CSNK1G2: variants seen among roughly 807,000 people sequenced by gnomAD.
CSNK1G2 encodes the protein casein kinase 1 gamma 2.
A neutral mutation model predicts 48.0 loss-of-function variants in CSNK1G2; 11 were observed. The ratio of observed to expected loss-of-function variants is 0.23; its 90% CI spans 0.14 to 0.38. CSNK1G2 has a LOEUF of 0.38. CSNK1G2 is among the 10% of genes least tolerant of loss of function. CSNK1G2 has a pLI of 1.00. For missense variants in CSNK1G2, 446 were observed against 595.5 expected (o/e 0.75, Z 2.61); for synonymous variants, 337 against 254.1 (o/e 1.33, Z -3.10).
chr19:1,957,762 C>A lies in CSNK1G2; in HGVS notation c.-265-11746C>A, dbSNP rs1302921585. Among the ~76,000 whole-genome samples, 1 of 151,766 alleles carries A rather than the reference C, an allele frequency of 6.6e-6. No homozygotes were observed. The highest frequency in any genetic ancestry group is 2.4e-5 in the African/African-American group (1 of 41,294). ...AGCTGCCAGATCTCCCCTGGAAACA[C>A]TGGGGTGTGTGCTCGGTGGGTGCCG... On this transcript the variant is annotated intron_variant, in intron 1 of 11. Transcript: ENST00000255641. This position sits in a 1 kb window ranked among gnomAD's most constrained non-coding sequence, Gnocchi z 5.4.
At position 1,948,208 on chromosome 19, in the gene CSNK1G2, C is replaced by T. The variant is rs567000297; in HGVS notation, c.-266+6790C>T. 6.0e-4 allele frequency among the ~76,000 whole-genome samples: 91 copies of T among 152,304 alleles called. 2 individuals are homozygous for T. Among genetic ancestry groups the T allele is most frequent in the Non-Finnish European group, 9.6e-4 (65 of 68,018 alleles). ...TCATCCCCAGGGTGCTGGCCAGAGC[C>T]GGGCTCACAGCGTTTCTTAAAATTA... On this transcript the variant is annotated intron_variant, in intron 1 of 11. Coordinates refer to ENST00000255641, the MANE Select transcript of CSNK1G2 (RefSeq NM_001319.7).
chr19:1,963,287 G>A (rs188969865), intron 1 of CSNK1G2, among the ~76,000 whole-genome samples: 50 of 151,950 alleles, frequency 3.3e-4, no homozygotes, highest in South Asian at 1.3e-3. Flanking sequence ...TCCCTCTGTC[G>A]CCCAAGCTCC....
intron 1 of CSNK1G2, among the ~76,000 whole-genome samples, chr19:1,955,537 G>T (rs1315116850): frequency 6.6e-6 from 1 of 151,708 alleles, no homozygotes; most frequent in South Asian, 2.1e-4. Flanking sequence ...CGGGGTGGGC[G>T]TGTGCCTGGG....
At chr19:1,950,632 C>G (rs1316180185) in intron 1 of CSNK1G2, among the ~76,000 whole-genome samples, 1 of 146,164 alleles carries the variant, frequency 6.8e-6, no homozygotes, top group Non-Finnish European at 1.5e-5. Context: ...GCCAAGGCCT[C>G]CTTCCATGTT....
intron 1 of CSNK1G2, among the ~76,000 whole-genome samples, chr19:1,943,060 C>T (rs1207086460): frequency 6.6e-6 from 1 of 151,970 alleles, no homozygotes; most frequent in African/African-American, 2.4e-5. Flanking sequence ...GCAGGGGAGC[C>T]GGGTCTGGAC....
chr19:1,979,738 T>C lies in CSNK1G2; in HGVS notation c.1003-14T>C, dbSNP rs948088891. Reference sequence around the variant, plus strand: ...CGCTGCAGCCCATCCTGACCCCTGCTCCCTCACCCACAGCCGACCCCCATC... The same window carrying C: ...CGCTGCAGCCCATCCTGACCCCTGCCCCCTCACCCACAGCCGACCCCCATC... On this transcript the variant is annotated splice_polypyrimidine_tract_variant and intron_variant, in intron 9 of 11. Coordinates refer to ENST00000255641, the MANE Select transcript of CSNK1G2 (RefSeq NM_001319.7). 10 of 1,604,498 alleles carry C rather than the reference T, an allele frequency of 6.2e-6. No homozygotes were observed. Among genetic ancestry groups the C allele is most frequent in the Non-Finnish European group, 8.5e-6 (10 of 1,179,428 alleles).
At chr19:1,965,471 G>A (rs560059111) in intron 1 of CSNK1G2, among the ~76,000 whole-genome samples, 2 of 151,962 alleles carry the variant, frequency 1.3e-5, no homozygotes, top group East Asian at 3.9e-4. Flanking sequence ...TGAATGACTC[G>A]GAAATCAAGA....
chr19:1,968,756 C>T lies in CSNK1G2; in HGVS notation c.-265-752C>T, dbSNP rs534470667. On this transcript the variant is annotated intron_variant, in intron 1 of 11. Transcript: ENST00000255641. ...GCCTTGCTTAGGTGGCTGTTGGCTC[C>T]GCTGGTCCCTCAAGCCCCGCCATTC... 3.8e-3 allele frequency: 588 copies of T among 152,790 alleles called. 4 individuals carry two copies. The highest frequency in any genetic ancestry group is 8.6e-3 in the Admixed American group (131 of 15,296). The allele number at this position is 152,790 out of a possible 1,614,324, so 9.5% of individuals were successfully genotyped here. A position where few individuals can be genotyped will look rare whatever the true frequency, so the allele number is the denominator to read the frequency against.
At chr19:1,969,138 C>T (rs906937975) in intron 1 of CSNK1G2, among the ~76,000 whole-genome samples, 4 of 152,152 alleles carry the variant, frequency 2.6e-5, no homozygotes, top group African/African-American at 4.8e-5. Context: ...TCTGGGGGTG[C>T]GACTGCTCCC....
chr19:1,950,910 G>A lies in CSNK1G2; in HGVS notation c.-266+9492G>A, dbSNP rs976542232. Reference sequence around the variant, plus strand: ...GAGCGTGTTGGGAAGTTTTCGGTGAGCTGGGCGTTTATTCGCCTTGGTGCC... The same window carrying A: ...GAGCGTGTTGGGAAGTTTTCGGTGAACTGGGCGTTTATTCGCCTTGGTGCC... On this transcript the variant is annotated intron_variant, in intron 1 of 11. Transcript: ENST00000255641. Among the ~76,000 whole-genome samples, 9 of 146,094 alleles carry A rather than the reference G, an allele frequency of 6.2e-5. 1 individual carries two copies. Among genetic ancestry groups the A allele is most frequent in the African/African-American group, 2.1e-4 (8 of 38,130 alleles).
intron 2 of CSNK1G2, among the ~76,000 whole-genome samples, chr19:1,971,723 G>A (rs2015577339): frequency 6.6e-6 from 1 of 151,656 alleles, no homozygotes; most frequent in Non-Finnish European, 1.5e-5. Context: ...GCTGAATAGT[G>A]CAGGTCCCTG....
chr19:1,971,357 G>A (rs1413683256), intron 2 of CSNK1G2, among the ~76,000 whole-genome samples: 1 of 152,230 alleles, frequency 6.6e-6, no homozygotes, highest in Non-Finnish European at 1.5e-5. Flanking sequence ...CTTGGGCCAC[G>A]AAGCCTCACT....
In CSNK1G2 at chr19:1,957,002, G is replaced by A. The variant is rs2015021563; in HGVS notation, c.-265-12506G>A. Among the ~76,000 whole-genome samples the A allele has an allele frequency of 1.3e-5, 2 of 152,312 alleles. No individual in the cohort carries two copies. Among genetic ancestry groups the A allele is most frequent in the South Asian group, 4.1e-4 (2 of 4,824 alleles). On this transcript the variant is annotated intron_variant, in intron 1 of 11. Coordinates refer to ENST00000255641, the MANE Select transcript of CSNK1G2 (RefSeq NM_001319.7). The surrounding 1 kb of genome is among the most constrained non-coding windows in gnomAD (Gnocchi z 5.4). ...GAAGAGAGAAGGAGGGAGGAGGAGGGGATTCTGCAGAGGGAAGGCTGGTGG... is the reference window on the plus strand; with the variant it reads ...GAAGAGAGAAGGAGGGAGGAGGAGGAGATTCTGCAGAGGGAAGGCTGGTGG...
At chr19:1,979,453 A>ACCCCCCACCCC (rs771350553) in intron 8 of CSNK1G2, 42 bp from the exon 9 acceptor site, 1 of 350,940 alleles carries the variant, frequency 2.8e-6, no homozygotes, top group East Asian at 7.1e-5. Flanking sequence ...CCCACCCCCC[A>ACCCCCCACCCC]CCCCCACCCC....
Position 1,978,578 on chromosome 19 carries a change from C to G in CSNK1G2, c.299-24C>G. 2 of 1,578,660 alleles carry G rather than the reference C, an allele frequency of 1.3e-6. No homozygotes were observed. Among genetic ancestry groups the G allele is most frequent in the Admixed American group, 1.8e-5 (1 of 54,598 alleles). On this transcript the variant is annotated intron_variant, in intron 4 of 11. Transcript: ENST00000255641. The surrounding 1 kb of genome is among the most constrained non-coding windows in gnomAD (Gnocchi z 7.3). ...CAGGGAGGGGGCTGCCGCCGCACGCCCGTGCGTCTGTCCTCCGCCGCAGAG... is the reference window on the plus strand; with the variant it reads ...CAGGGAGGGGGCTGCCGCCGCACGCGCGTGCGTCTGTCCTCCGCCGCAGAG...
intron 1 of CSNK1G2, among the ~76,000 whole-genome samples, chr19:1,944,624 G>A (rs1451191168): frequency 2.0e-5 from 3 of 151,940 alleles, no homozygotes; most frequent in Admixed American, 6.6e-5. Flanking sequence ...GGGCTGTGCC[G>A]CCCTGTGACT....
At chr19:1,970,011 C>T (rs773676186) in intron 2 of CSNK1G2, 52 bp downstream of exon 2, 44 of 1,278,024 alleles carry the variant, frequency 3.4e-5, no homozygotes, top group Non-Finnish European at 4.0e-5. Flanking sequence ...GGCAGGGCCG[C>T]CCCGAGTCAC....
At chr19:1,975,461 C>A in intron 2 of CSNK1G2, 1 of 985,464 alleles carries the variant, frequency 1.0e-6, no homozygotes, top group Non-Finnish European at 1.2e-6. Context: ...GAACTGGAGA[C>A]GGGAGGGCGT....
Position 1,957,411 on chromosome 19 carries a change from C to T in CSNK1G2, c.-265-12097C>T, listed in dbSNP as rs995110181. 2.0e-5 allele frequency among the ~76,000 whole-genome samples: 3 copies of T among 152,242 alleles called. No homozygotes were observed. Among genetic ancestry groups the T allele is most frequent in the Admixed American group, 6.5e-5 (1 of 15,288 alleles). On this transcript the variant is annotated intron_variant, in intron 1 of 11. Coordinates refer to ENST00000255641, the MANE Select transcript of CSNK1G2 (RefSeq NM_001319.7). The surrounding 1 kb of genome is among the most constrained non-coding windows in gnomAD (Gnocchi z 5.4). ...ACCAGGCGCTCGTGCAAACCAAGTG[C>T]TGAGCAGAGAGCAGCCTGGGAGAGA...
Sources: gnomAD v4.1 joint callset for allele counts (sites outside exome capture counted in the v4.1 genomes callset) on GRCh38, gnomAD v4.1.1 for gene constraint, Gnocchi (gnomAD v3.1) non-coding constraint, MANE v1.5 for transcripts, NCBI Gene and HGNC (gene_info 2026-07-23, HGNC 2026-07-21) for gene names.